The following NTRK2 variants were observed in gnomAD, a reference collection of about 807,000 sequenced individuals.
The protein encoded by NTRK2 is BDNF/NT-3 growth factors receptor.
NTRK2 carries 13 observed loss-of-function variants against 94.5 expected under a neutral mutation model. The observed-to-expected ratio is 0.14, with a 90% CI of 0.09 to 0.22. The LOEUF is 0.22. Among genes scored for constraint, NTRK2 ranks in the 10% least tolerant of loss-of-function variants. The pLI is 1.00. For synonymous variants in NTRK2, 372 were observed against 407.4 expected, an observed-to-expected ratio of 0.91 and a Z score of 1.05; for missense variants, 639 against 1,071.2, an observed-to-expected ratio of 0.60 and a Z score of 5.63.
chr9:84,736,723 A>T (rs2063287475), intron 9 of NTRK2, among the ~76,000 whole-genome samples: 1 of 152,202 alleles, frequency 6.6e-6, no homozygotes, highest in African/African-American at 2.4e-5. Context: ...TTAGTTAATT[A>T]TGCTTCCCAA....
At chr9:84,797,611 A>ATATATACTATATATTATATAT (rs2069558199) in intron 12 of NTRK2, among the ~76,000 whole-genome samples, 1 of 54,714 alleles carries the variant, frequency 1.8e-5, no homozygotes, top group Non-Finnish European at 3.1e-5. Context: ...ATTATATATA[A>ATATATACTATATATTATATAT]TATATATACT....
intron 12 of NTRK2, among the ~76,000 whole-genome samples, chr9:84,776,774 G>C (rs969670985): frequency 6.6e-6 from 1 of 152,214 alleles, no homozygotes; most frequent in Non-Finnish European, 1.5e-5. Context: ...TCTCTGGATT[G>C]TGTTATAGGA....
intron 14 of NTRK2, among the ~76,000 whole-genome samples, chr9:84,869,404 A>G (rs1053033268): frequency 6.6e-6 from 1 of 152,092 alleles, no homozygotes; most frequent in Non-Finnish European, 1.5e-5. Context: ...CGAGATTTTC[A>G]TTTTTCCAGG....
intron 17 of NTRK2, among the ~76,000 whole-genome samples, chr9:84,984,221 C>T (rs762434769): frequency 6.6e-6 from 1 of 152,044 alleles, no homozygotes; most frequent in Non-Finnish European, 1.5e-5. Flanking sequence ...ACCTGTAATC[C>T]CAGCAGTTTG....
At chr9:84,711,047 T>C (rs2061389945) in intron 6 of NTRK2, among the ~76,000 whole-genome samples, 1 of 152,182 alleles carries the variant, frequency 6.6e-6, no homozygotes, top group African/African-American at 2.4e-5. Flanking sequence ...ATTTGCTTAT[T>C]TGTTCATATT....
intron 12 of NTRK2, among the ~76,000 whole-genome samples, chr9:84,827,982 A>G (rs1209298873): frequency 6.6e-6 from 1 of 152,208 alleles, no homozygotes; most frequent in Non-Finnish European, 1.5e-5. Context: ...TAAACAGCTT[A>G]TAGATTAGAG....
At position 84,727,879 on chromosome 9, in the gene NTRK2, C is replaced by T. The variant is rs2132081765; in HGVS notation, c.1079C>T (p.Thr360Ile). 2 of 1,614,192 alleles carry T rather than the reference C, an allele frequency of 1.2e-6. No individual in the cohort carries two copies. Among genetic ancestry groups the T allele is most frequent in the Non-Finnish European group, 8.5e-7 (1 of 1,180,026 alleles). The change falls in exon 9 of 19, where the codon ACT becomes ATT. Residue 360 changes from threonine to isoleucine, a missense_variant. Physicochemically the swap from Thr to Ile is moderately conservative, Grantham distance 89. Coordinates refer to ENST00000277120, the MANE Select transcript of NTRK2 (RefSeq NM_006180.6). ...NPTHMNNGDY[T>I]LIAKNEYGKD... ...ACTCACATGAACAATGGGGACTACACTCTAATAGCCAAGAATGAGTATGGG... is the reference window on the plus strand; with the variant it reads ...ACTCACATGAACAATGGGGACTACATTCTAATAGCCAAGAATGAGTATGGG...
At chr9:84,877,528 A>T in intron 14 of NTRK2, 1 of 1,066,238 alleles carries the variant, frequency 9.4e-7, no homozygotes, top group African/African-American at 1.6e-5. Flanking sequence ...GTGGCCAAGG[A>T]CCCCCCTCCT....
chr9:84,872,473 G>C lies in NTRK2; in HGVS notation c.1633+5042G>C, dbSNP rs78451929. 2,268 of 1,070,928 alleles carry C rather than the reference G, an allele frequency of 2.1e-3. 40 individuals are homozygous for C. In the Admixed American group the frequency reaches 0.042, roughly 20 times the overall value. The allele number at this position is 1,070,928 out of a possible 1,614,324, so 66.3% of individuals were successfully genotyped here. A position where few individuals can be genotyped will look rare whatever the true frequency, so the allele number is the denominator to read the frequency against. On this transcript the variant is annotated intron_variant, in intron 14 of 18. Transcript: ENST00000277120. ...CTTGTAAATTAGCTAGGGTCCTAGG[G>C]TTGAGGCCTAAATCAACTTAAAATT...
chr9:84,744,803 A>T (rs2063924320), intron 10 of NTRK2, among the ~76,000 whole-genome samples, 170 bp from the exon 11 acceptor site: 1 of 152,200 alleles, frequency 6.6e-6, no homozygotes, highest in South Asian at 2.1e-4. Flanking sequence ...TCAGCGCTGC[A>T]GTGCATTGAA....
chr9:84,688,914 G>A (rs973835114), intron 2 of NTRK2, among the ~76,000 whole-genome samples: 1 of 152,192 alleles, frequency 6.6e-6, no homozygotes, highest in Non-Finnish European at 1.5e-5. Flanking sequence ...GGTGGGTTAA[G>A]GGCTCCACTA....
intron 15 of NTRK2, among the ~76,000 whole-genome samples, chr9:84,944,068 A>T (rs932517030): frequency 6.6e-6 from 1 of 152,118 alleles, no homozygotes; most frequent in African/African-American, 2.4e-5. Flanking sequence ...CAAAAATGTT[A>T]CTGAAGCACA....
intron 17 of NTRK2, among the ~76,000 whole-genome samples, chr9:84,959,269 G>A (rs1824572006): frequency 1.3e-5 from 2 of 152,226 alleles, no homozygotes; most frequent in South Asian, 2.1e-4. Flanking sequence ...ATGGGACACA[G>A]TTGTGTGTGG....
chr9:84,766,728 C>T (rs2066066335), intron 12 of NTRK2, among the ~76,000 whole-genome samples: 1 of 151,792 alleles, frequency 6.6e-6, no homozygotes, highest in Non-Finnish European at 1.5e-5. Context: ...ATTCAATGCA[C>T]ACAAACCACA....
intron 15 of NTRK2, among the ~76,000 whole-genome samples, chr9:84,947,171 A>C (rs1369832267): frequency 6.6e-6 from 1 of 151,934 alleles, no homozygotes; most frequent in Non-Finnish European, 1.5e-5. Flanking sequence ...TGCCAGGCTG[A>C]TCTCGAACTC....
chr9:84,996,835 T>C (rs572473060), intron 17 of NTRK2, among the ~76,000 whole-genome samples: 2 of 152,376 alleles, frequency 1.3e-5, no homozygotes, highest in African/African-American at 4.8e-5. Context: ...ACTTCAGGTA[T>C]GTGCCAAACA....
chr9:85,006,486 G>C lies in NTRK2; in HGVS notation c.2173-13720G>C, dbSNP rs1401541875. ...TGCCTCCAAGCCAGACTGCCATCCT[G>C]AGGCTCCTCACCCTGGGGAAATTCT... On this transcript the variant is annotated intron_variant, in intron 17 of 18. Transcript: ENST00000277120. Among the ~76,000 whole-genome samples the C allele has an allele frequency of 2.0e-5, 3 of 150,188 alleles. No homozygotes were observed. In the East Asian group the frequency reaches 5.8e-4, roughly 29 times the overall value.
At chr9:84,872,124 T>C in intron 14 of NTRK2, 1 of 1,291,010 alleles carries the variant, frequency 7.7e-7, no homozygotes, top group South Asian at 1.8e-5. Context: ...AGTTGGTCTT[T>C]AACTCAACTA....
At chr9:84,802,212 T>C (rs1284050759) in intron 12 of NTRK2, among the ~76,000 whole-genome samples, 2 of 152,244 alleles carry the variant, frequency 1.3e-5, no homozygotes, top group Non-Finnish European at 2.9e-5. Context: ...ATTTTTAGCA[T>C]GGTCACCATA....
Sources: allele counts gnomAD v4.1 joint callset (sites outside exome capture counted in the v4.1 genomes callset), GRCh38; gene constraint gnomAD v4.1.1; transcripts MANE v1.5; gene names NCBI Gene and HGNC (gene_info 2026-07-23, HGNC 2026-07-21).